The following IDO2 variants were observed in gnomAD, a reference collection of about 807,000 sequenced individuals.
IDO2 encodes indoleamine 2,3-dioxygenase-like 1 protein.
A neutral mutation model predicts 45.1 loss-of-function variants in IDO2; 46 were observed. The observed-to-expected ratio is 1.02, with a 90% confidence interval of 0.80 to 1.30. The LOEUF (loss-of-function observed/expected upper bound fraction) is 1.30. IDO2 is among the 50% of genes most tolerant of loss of function. The pLI, the probability that IDO2 is intolerant of heterozygous loss-of-function variation, is 0.00. For missense variants in IDO2, 544 were observed against 491.8 expected (o/e 1.11, Z -1.00); for synonymous variants, 218 against 184.9 (o/e 1.18, Z -1.45).
At chr8:39,997,601 A>G (rs570444374) in intron 8 of IDO2, among the ~76,000 whole-genome samples, 5 of 152,268 alleles carry the variant, frequency 3.3e-5, no homozygotes, top group African/African-American at 1.2e-4. Context: ...TCAAGGCTGC[A>G]ATGAGCCAAG....
At chr8:40,006,441 T>A (rs1359102940) in intron 9 of IDO2, among the ~76,000 whole-genome samples, 1 of 152,172 alleles carries the variant, frequency 6.6e-6, no homozygotes, top group Non-Finnish European at 1.5e-5. Flanking sequence ...TCTTATGATA[T>A]TTTCAACTTA....
chr8:39,986,478 C>CTTGGTTTGGT (rs138666207), intron 6 of IDO2: 34 of 152,150 alleles, frequency 2.2e-4, no homozygotes, highest in African/African-American at 8.2e-4. Context: ...TTGACTTTGT[C>CTTGGTTTGGT]TTGGTTTGGT....
intron 4 of IDO2, among the ~76,000 whole-genome samples, chr8:39,979,682 T>A (rs929348831): frequency 1.3e-5 from 2 of 152,184 alleles, no homozygotes; most frequent in Admixed American, 6.5e-5. Flanking sequence ...AGGATTTTTT[T>A]ATTTTAATTT....
chr8:39,971,844 T>C (rs1337816398), intron 3 of IDO2, among the ~76,000 whole-genome samples: 1 of 152,148 alleles, frequency 6.6e-6, no homozygotes, highest in Non-Finnish European at 1.5e-5. Flanking sequence ...GTTTCGTTCT[T>C]ATTGCCCAAG....
intron 2 of IDO2, among the ~76,000 whole-genome samples, chr8:39,961,280 T>C (rs1486258389): frequency 6.6e-6 from 1 of 151,680 alleles, no homozygotes; most frequent in Admixed American, 6.6e-5. Flanking sequence ...AACCACAATA[T>C]AGGGTTTTTA....
chr8:39,951,269 C>G lies in IDO2; in HGVS notation c.99+2005C>G, dbSNP rs556647453. Among the ~76,000 whole-genome samples the G allele has an allele frequency of 4.4e-4, 44 of 99,442 alleles. No individual in the cohort carries two copies. The South Asian group carries it at 0.016, about 37-fold the overall frequency. The allele number at this position is 99,442 out of a possible 152,430, so 65.2% of individuals were successfully genotyped here. ...TACTGCAATGACTGCAACATCGGAC[C>G]CCAAGATTTTTTTTTTTTTTTTCTG... On this transcript the variant is annotated intron_variant, in intron 2 of 10. Coordinates refer to ENST00000502986, the Ensembl canonical transcript of IDO2.
rs539476274 is a variant in IDO2 at position 39,985,766 on chromosome 8, A to G, written c.449+244A>G. The G allele has an allele frequency of 6.5e-6, 3 of 459,002 alleles. No individual in the cohort carries two copies. The Admixed American group carries it at 1.2e-4, about 18-fold the overall frequency. The allele number at this position is 459,002 out of a possible 1,614,324, so 28.4% of individuals were successfully genotyped here. A position where few individuals can be genotyped will look rare whatever the true frequency, so the allele number is the denominator to read the frequency against. On this transcript the variant is annotated intron_variant, in intron 6 of 10. Transcript: ENST00000502986. ...CTGTATTTTCCAGTCTGTACATAATAAAACAAGTAATGTGCAATGCAAACA... is the reference window on the plus strand; with the variant it reads ...CTGTATTTTCCAGTCTGTACATAATGAAACAAGTAATGTGCAATGCAAACA...
chr8:39,999,217 G>T (rs1382024608), intron 8 of IDO2, among the ~76,000 whole-genome samples: 1 of 149,530 alleles, frequency 6.7e-6, no homozygotes, highest in Non-Finnish European at 1.5e-5. Context: ...CTGTTTCTCT[G>T]TATCTGTCTA....
At chr8:39,955,375 C>T (rs1409936257) in intron 2 of IDO2, among the ~76,000 whole-genome samples, 1 of 150,888 alleles carries the variant, frequency 6.6e-6, no homozygotes, top group African/African-American at 2.4e-5. Context: ...CTGCCTCATC[C>T]TCCCAAGTAG....
chr8:40,012,196 T>C (rs961743479), intron 9 of IDO2, among the ~76,000 whole-genome samples: 2 of 150,936 alleles, frequency 1.3e-5, no homozygotes, highest in African/African-American at 4.8e-5. Context: ...AAAATAACTT[T>C]TAGAATTATA....
At chr8:39,963,661 T>G in exon 3 of IDO2, 2 of 1,612,460 alleles carry the variant, frequency 1.2e-6, no homozygotes, top group Non-Finnish European at 1.7e-6. Context: ...ACAAACTTCC[T>G]CAATTGATTG....
At chr8:40,011,134 C>T (rs1256039410) in intron 9 of IDO2, among the ~76,000 whole-genome samples, 2 of 152,040 alleles carry the variant, frequency 1.3e-5, no homozygotes, top group South Asian at 2.1e-4. Flanking sequence ...TGGTGTCAAA[C>T]TCCTGACCTC....
chr8:39,973,138 G>GT (rs1412119809), intron 3 of IDO2, among the ~76,000 whole-genome samples: 4 of 152,286 alleles, frequency 2.6e-5, no homozygotes, highest in African/African-American at 9.6e-5. Flanking sequence ...AGTGAGGGAA[G>GT]TTATAGATCA....
intron 2 of IDO2, among the ~76,000 whole-genome samples, chr8:39,951,524 TTGAC>T (rs1194084850): frequency 6.6e-6 from 1 of 152,192 alleles, no homozygotes; most frequent in Admixed American, 6.6e-5. Flanking sequence ...TCTTGTGACT[TTGAC>T]TGAATTACAA....
chr8:39,999,193 C>T (rs991048494), intron 8 of IDO2, among the ~76,000 whole-genome samples: 7 of 151,936 alleles, frequency 4.6e-5, no homozygotes, highest in Admixed American at 1.3e-4. Context: ...TCTTTCTCCC[C>T]TGACTATGTG....
At chr8:39,939,278 G>A (rs1469102794) in intron 1 of IDO2, among the ~76,000 whole-genome samples, 1 of 148,578 alleles carries the variant, frequency 6.7e-6, no homozygotes, top group Non-Finnish European at 1.5e-5. Context: ...CAGGAGTGGT[G>A]GCTCACACCT....
intron 8 of IDO2, among the ~76,000 whole-genome samples, chr8:40,000,302 C>G (rs989728430): frequency 6.6e-6 from 1 of 151,746 alleles, no homozygotes; most frequent in Admixed American, 6.6e-5. Context: ...CCTAGTTACT[C>G]AGGAAGCTGA....
In IDO2 at chr8:39,984,088, T is replaced by A. The variant is rs558741040; in HGVS notation, c.434+1318T>A. The stretch of plus-strand genomic sequence containing the variant: ...GCGTAATTTATTCTGTTCAAGGTAC[T>A]GAATATTGAATAAGCTGGATTTATT... On this transcript the variant is annotated intron_variant, in intron 5 of 10. Coordinates refer to ENST00000502986, the Ensembl canonical transcript of IDO2. Among the ~76,000 whole-genome samples the A allele has an allele frequency of 4.6e-5, 7 of 152,278 alleles. No homozygotes were observed. In the South Asian group the frequency reaches 1.5e-3, roughly 32 times the overall value.
intron 6 of IDO2, chr8:39,985,809 A>G: frequency 6.2e-6 from 2 of 325,014 alleles, no homozygotes; most frequent in South Asian, 1.3e-4. Flanking sequence ...ATGAAACTTT[A>G]TCAAATTTCA....
Sources: gnomAD v4.1 joint callset for allele counts (sites outside exome capture counted in the v4.1 genomes callset) on GRCh38, gnomAD v4.1.1 for gene constraint, MANE v1.5 for transcripts, NCBI Gene and HGNC (gene_info 2026-07-23, HGNC 2026-07-21) for gene names.